The following PDE4C variants were observed in gnomAD, a reference collection of about 807,000 sequenced individuals.
PDE4C encodes the protein 3',5'-cyclic-AMP phosphodiesterase 4C.
In PDE4C, 50 loss-of-function variants were observed where a neutral mutation model predicts 63.9. The ratio of observed to expected loss-of-function variants is 0.78; its 90% CI spans 0.62 to 0.99. The LOEUF (loss-of-function observed/expected upper bound fraction) is 0.99. Ranked by LOEUF, PDE4C falls within the 50% of genes least tolerant of loss-of-function variation. The probability of loss-of-function intolerance (pLI) is 0.00; values close to 1 mark genes in which losing one functional copy is unlikely to be tolerated. For missense variants in PDE4C, 777 were observed against 899.1 expected (o/e 0.86, Z 1.74); for synonymous variants, 377 against 385.1 (o/e 0.98, Z 0.25).
In PDE4C at chr19:18,221,769, C is replaced by T. The variant is rs532357624; in HGVS notation, c.338+363G>A. Among the ~76,000 whole-genome samples, 295 of 152,128 alleles carry T rather than the reference C, an allele frequency of 1.9e-3. 1 individual carries two copies. The highest frequency in any genetic ancestry group is 3.2e-3 in the Admixed American group (49 of 15,268). ...CCTCCTGAGTAGCTGGGACTACAGG[C>T]GCGCGCCACCACACCTGGCTAATTT... On this transcript the variant is annotated intron_variant, in intron 2 of 14. Transcript: ENST00000262805.
chr19:18,250,042 A>C (rs1969213647), upstream of PDE4C: 1 of 398,652 alleles, frequency 2.5e-6, no homozygotes, highest in Non-Finnish European at 4.4e-6. Flanking sequence ...CCTTGGATGA[A>C]TGGTAGGGGC....
exon 15 of PDE4C, chr19:18,210,851 C>T (rs1967889918): frequency 6.6e-7 from 1 of 1,511,392 alleles, no homozygotes; most frequent in Non-Finnish European, 8.8e-7. Context: ...CACATGGAGC[C>T]TCTTCCTGGA....
At chr19:18,224,213 G>C (rs1968620853) in intron 1 of PDE4C, 1 of 985,404 alleles carries the variant, frequency 1.0e-6, no homozygotes, top group African/African-American at 1.7e-5. Flanking sequence ...GCAAGAACTG[G>C]GGCGCTAGAG....
exon 15 of PDE4C, chr19:18,210,671 C>A: frequency 2.5e-6 from 1 of 397,000 alleles, no homozygotes; most frequent in Non-Finnish European, 4.4e-6. Context: ...GATAGAAGCC[C>A]AGGAGAAAGA....
upstream of PDE4C, chr19:18,250,127 G>T: frequency 2.5e-6 from 1 of 398,716 alleles, no homozygotes; most frequent in East Asian, 3.6e-5. Context: ...GGCTCCTCAG[G>T]GCTCACTCCT....
chr19:18,240,586 T>C (rs1045196199), intron 1 of PDE4C, among the ~76,000 whole-genome samples: 2 of 151,982 alleles, frequency 1.3e-5, no homozygotes, highest in African/African-American at 4.8e-5. Flanking sequence ...AAGTTAGCTG[T>C]GCCTGGTGGT....
At chr19:18,212,405 G>C (rs2148002698) in intron 13 of PDE4C, among the ~76,000 whole-genome samples, 1 of 151,266 alleles carries the variant, frequency 6.6e-6, no homozygotes, top group Admixed American at 6.6e-5. Flanking sequence ...AAACTCCTGA[G>C]CTCAAGCGAT....
intron 13 of PDE4C, among the ~76,000 whole-genome samples, chr19:18,212,599 C>A (rs968651475): frequency 6.6e-6 from 1 of 152,020 alleles, no homozygotes; most frequent in Non-Finnish European, 1.5e-5. Flanking sequence ...CTTGGCCTCC[C>A]AAAGTGCTGG....
At position 18,220,147 on chromosome 19, in the gene PDE4C, G is replaced by T; in HGVS notation, c.706+79C>A. Reference sequence around the variant, plus strand: ...TGTCTGGCTGTATCTCCCCCAGACTGAGGTCTATCATAGGAATCTTTCTTT... The same window carrying T: ...TGTCTGGCTGTATCTCCCCCAGACTTAGGTCTATCATAGGAATCTTTCTTT... On this transcript the variant is annotated intron_variant, in intron 7 of 14. Coordinates refer to ENST00000262805, the Ensembl canonical transcript of PDE4C. The surrounding 1 kb of genome is among the most constrained non-coding windows in gnomAD (Gnocchi z 5.1). The T allele has an allele frequency of 8.8e-7, 1 of 1,138,890 alleles. No individual in the cohort carries two copies. The highest frequency in any genetic ancestry group is 1.3e-6 in the Non-Finnish European group (1 of 754,424). The allele number at this position is 1,138,890 out of a possible 1,614,324, so 70.5% of individuals were successfully genotyped here.
At chr19:18,217,842 A>G (rs1292630441) in intron 11 of PDE4C, among the ~76,000 whole-genome samples, 1 of 152,142 alleles carries the variant, frequency 6.6e-6, no homozygotes, top group Non-Finnish European at 1.5e-5. Flanking sequence ...GGTTGCAGTG[A>G]GCCGAAATCG....
rs1968392793 is a variant in PDE4C at position 18,220,158 on chromosome 19, T to C, written c.706+68A>G. 7.9e-7 allele frequency: 1 copy of C among 1,270,868 alleles called. No homozygotes were observed. Among genetic ancestry groups the C allele is most frequent in the South Asian group, 1.2e-5 (1 of 83,150 alleles). The allele number at this position is 1,270,868 out of a possible 1,614,324, so 78.7% of individuals were successfully genotyped here. A position where few individuals can be genotyped will look rare whatever the true frequency, so the allele number is the denominator to read the frequency against. On this transcript the variant is annotated intron_variant, in intron 7 of 14. Coordinates refer to ENST00000262805, the Ensembl canonical transcript of PDE4C. This position sits in a 1 kb window ranked among gnomAD's most constrained non-coding sequence, Gnocchi z 5.1. ...ATCTCCCCCAGACTGAGGTCTATCA[T>C]AGGAATCTTTCTTTTGTTTCTTAGT...
intron 13 of PDE4C, among the ~76,000 whole-genome samples, chr19:18,212,312 T>C (rs1322672441): frequency 6.7e-6 from 1 of 150,280 alleles, no homozygotes; most frequent in Non-Finnish European, 1.5e-5. Flanking sequence ...GCCTCCCGAG[T>C]AACTGGAACT....
chr19:18,214,207 G>C (rs1409079424), intron 12 of PDE4C, among the ~76,000 whole-genome samples: 1 of 150,454 alleles, frequency 6.6e-6, no homozygotes, highest in Non-Finnish European at 1.5e-5. Context: ...GCAGGGAGCC[G>C]AGATCCTGCA....
the PDE4C span, among the ~76,000 whole-genome samples, chr19:18,254,625 A>G: frequency 6.6e-6 from 1 of 152,194 alleles, no homozygotes; most frequent in Non-Finnish European, 1.5e-5. Flanking sequence ...TGAGCATTTC[A>G]GCAGCCATGG....
intron 1 of PDE4C, among the ~76,000 whole-genome samples, chr19:18,245,896 T>G (rs1969120303): frequency 6.6e-6 from 1 of 152,072 alleles, no homozygotes; most frequent in Non-Finnish European, 1.5e-5. Flanking sequence ...CAGGCTGGAG[T>G]GCAGTGGCGC....
At chr19:18,222,293 C>T (rs1384719141) in exon 2 of PDE4C, 3 of 1,611,848 alleles carry the variant, frequency 1.9e-6, no homozygotes, top group Admixed American at 1.7e-5. Context: ...GGGCCCTCCT[C>T]CCACACGAGA....
At chr19:18,225,921 C>T (rs1164750187) in intron 1 of PDE4C, 4 of 214,298 alleles carry the variant, frequency 1.9e-5, no homozygotes, top group African/African-American at 9.4e-5. Flanking sequence ...GACGCACAGC[C>T]TGCCTGCCCC....
chr19:18,210,876 A>G, exon 15 of PDE4C: 1 of 1,516,376 alleles, frequency 6.6e-7, no homozygotes, highest in Non-Finnish European at 8.8e-7. Context: ...CTGCCTGCCA[A>G]GAGCCAAAGG....
At position 18,221,101 on chromosome 19, in the gene PDE4C, C is replaced by T. The variant is rs750738070; in HGVS notation, c.449+4G>A. The T allele has an allele frequency of 3.8e-6, 6 of 1,578,986 alleles. No individual in the cohort carries two copies. The highest frequency in any genetic ancestry group is 5.2e-6 in the Non-Finnish European group (6 of 1,164,110). On this transcript the variant is annotated splice_donor_region_variant and intron_variant, in intron 4 of 14. Transcript: ENST00000262805. Reference sequence around the variant, plus strand: ...GCCCCCGCCCCGCCCCGCCCTCTACCTACTTGGCTGCTCCTAGGCATTGCT... The same window carrying T: ...GCCCCCGCCCCGCCCCGCCCTCTACTTACTTGGCTGCTCCTAGGCATTGCT...
Sources: gnomAD v4.1 joint callset for allele counts (sites outside exome capture counted in the v4.1 genomes callset) on GRCh38, gnomAD v4.1.1 for gene constraint, Gnocchi (gnomAD v3.1) non-coding constraint, MANE v1.5 for transcripts, NCBI Gene and HGNC (gene_info 2026-07-23, HGNC 2026-07-21) for gene names.